Variants in KLRG2 observed in about 807,000 individuals in gnomAD.
The protein encoded by KLRG2 is killer cell lectin like receptor G2, also known as killer cell lectin-like receptor subfamily G member 2.
Under a neutral mutation model 35.4 loss-of-function variants are expected in KLRG2, and 39 were observed. The ratio of observed to expected loss-of-function variants is 1.10; its 90% CI spans 0.85 to 1.44. KLRG2 has a LOEUF of 1.44. Ranked by LOEUF, KLRG2 falls within the 40% of genes most tolerant of loss-of-function variation. The pLI is 0.00. For missense variants in KLRG2, 632 were observed against 570.9 expected (o/e 1.11, Z -1.09); for synonymous variants, 283 against 265.8 (o/e 1.06, Z -0.63).
rs184013800 is a variant in KLRG2 at position 139,464,972 on chromosome 7, C to T, written c.1006-10758G>A. 1.4e-3 allele frequency among the ~76,000 whole-genome samples: 214 copies of T among 152,372 alleles called. 1 individual carries two copies. Among genetic ancestry groups the T allele is most frequent in the African/African-American group, 4.5e-3 (189 of 41,590 alleles). On this transcript the variant is annotated intron_variant, in intron 3 of 4. Coordinates refer to ENST00000340940, the MANE Select transcript of KLRG2 (RefSeq NM_198508.4). ...CAATTACCATTGTTACTGGCCCGGA[C>T]TTCAATCCGGCCTCCCACATTATTC...
intron 3 of KLRG2, among the ~76,000 whole-genome samples, chr7:139,467,154 C>T (rs558963522): frequency 3.9e-5 from 6 of 152,248 alleles, no homozygotes; most frequent in African/African-American, 1.4e-4. Context: ...GTTCCCATGT[C>T]GCCCCTAATC....
intron 4 of KLRG2, 127 bp downstream of exon 4, chr7:139,453,984 G>A (rs1480667399): frequency 5.6e-6 from 4 of 710,026 alleles, no homozygotes; most frequent in Admixed American, 2.7e-5. Flanking sequence ...GCACCAGGCC[G>A]CGAGCATGGG....
At chr7:139,474,893 C>T (rs1193318451) in intron 3 of KLRG2, among the ~76,000 whole-genome samples, 1 of 152,194 alleles carries the variant, frequency 6.6e-6, no homozygotes, top group Non-Finnish European at 1.5e-5. Flanking sequence ...GATGCAGGCC[C>T]AGACCTAGGA....
chr7:139,481,786 T>C (rs1002462356), intron 1 of KLRG2, among the ~76,000 whole-genome samples: 2 of 151,990 alleles, frequency 1.3e-5, no homozygotes, highest in African/African-American at 4.8e-5. Context: ...TAGCCAGGCA[T>C]GGTGGCCGGC....
chr7:139,444,782 C>T, the KLRG2 span, among the ~76,000 whole-genome samples: 1 of 152,172 alleles, frequency 6.6e-6, no homozygotes, highest in Non-Finnish European at 1.5e-5. Context: ...ATTACGACGA[C>T]ACAAAACTCC....
chr7:139,430,012 G>A, the KLRG2 span, among the ~76,000 whole-genome samples: 1 of 152,300 alleles, frequency 6.6e-6, no homozygotes, highest in South Asian at 2.1e-4. Flanking sequence ...CTCAAAATAC[G>A]ATCTCTAAAC....
intron 1 of KLRG2, 146 bp from the exon 2 acceptor site, chr7:139,480,393 A>C: frequency 6.0e-6 from 3 of 500,250 alleles, no homozygotes; most frequent in Non-Finnish European, 3.6e-6. Context: ...ATAAACCACA[A>C]CGTTTAAGTT....
At chr7:139,433,942 G>A in the KLRG2 span, among the ~76,000 whole-genome samples, 4 of 151,958 alleles carry the variant, frequency 2.6e-5, no homozygotes, top group African/African-American at 4.8e-5. Flanking sequence ...CCAGCATCAC[G>A]CCCAGCATCA....
At chr7:139,452,205 T>C (rs1206421490), downstream of KLRG2, among the ~76,000 whole-genome samples, 1 of 152,098 alleles carries the variant, frequency 6.6e-6, no homozygotes, top group Admixed American at 6.6e-5. Flanking sequence ...CTCGAACTCC[T>C]GACCTTGTGA....
the KLRG2 span, among the ~76,000 whole-genome samples, chr7:139,442,971 G>A: frequency 1.3e-5 from 2 of 150,610 alleles, no homozygotes; most frequent in South Asian, 2.1e-4. Flanking sequence ...GAACAAAGTA[G>A]AATAGACAAA....
At chr7:139,473,375 C>T (rs976491919) in intron 3 of KLRG2, among the ~76,000 whole-genome samples, 3 of 152,156 alleles carry the variant, frequency 2.0e-5, no homozygotes, top group Non-Finnish European at 2.9e-5. Context: ...CTCCTATCCG[C>T]GCAATGATGA....
chr7:139,479,494 T>C, intron 3 of KLRG2, 133 bp downstream of exon 3: 1 of 894,622 alleles, frequency 1.1e-6, no homozygotes, highest in Non-Finnish European at 1.7e-6. Context: ...GAAGTTATGG[T>C]CATGCTACTC....
At chr7:139,454,752 G>C (rs549570950) in intron 3 of KLRG2, among the ~76,000 whole-genome samples, 15 of 151,576 alleles carry the variant, frequency 9.9e-5, no homozygotes, top group African/African-American at 3.1e-4. Flanking sequence ...GGAGACAGAG[G>C]TTGCAGTAAG....
At chr7:139,439,763 A>C in the KLRG2 span, among the ~76,000 whole-genome samples, 41 of 152,326 alleles carry the variant, frequency 2.7e-4, no homozygotes, top group African/African-American at 9.9e-4. Context: ...TAGCGGACAC[A>C]AAGGTGATGG....
At chr7:139,442,606 G>A in the KLRG2 span, among the ~76,000 whole-genome samples, 1 of 152,174 alleles carries the variant, frequency 6.6e-6, no homozygotes, top group Non-Finnish European at 1.5e-5. Flanking sequence ...AGCACTTTGG[G>A]AGGCCATGGT....
the KLRG2 span, among the ~76,000 whole-genome samples, chr7:139,445,781 G>GTGTGTA: frequency 1.1e-4 from 11 of 98,478 alleles, 1 homozygote; most frequent in African/African-American, 6.9e-4. Context: ...ATATATATAT[G>GTGTGTA]TATATATATA....
At chr7:139,455,046 C>G (rs934879835) in intron 3 of KLRG2, among the ~76,000 whole-genome samples, 3 of 148,636 alleles carry the variant, frequency 2.0e-5, no homozygotes, top group Non-Finnish European at 3.0e-5. Flanking sequence ...TGAGATGGAG[C>G]CTTGCTCTGT....
rs1013047025 is a variant in KLRG2 at position 139,476,509 on chromosome 7, T to C, written c.1005+3118A>G. Among the ~76,000 whole-genome samples, 10 of 152,154 alleles carry C rather than the reference T, an allele frequency of 6.6e-5. No homozygotes were observed. In the East Asian group the frequency reaches 1.9e-3, roughly 29 times the overall value. The stretch of plus-strand genomic sequence containing the variant: ...CAGGCTGGAGAGCAGTGGCGCGATC[T>C]TGGCTCACTGCATCCTGTCTTCTGG... On this transcript the variant is annotated intron_variant, in intron 3 of 4. Transcript: ENST00000340940.
intron 3 of KLRG2, among the ~76,000 whole-genome samples, chr7:139,469,453 C>T (rs1047664660): frequency 6.6e-6 from 1 of 152,096 alleles, no homozygotes; most frequent in Non-Finnish European, 1.5e-5. Flanking sequence ...AGCCACCACG[C>T]CCAGCCTACT....
Sources: gnomAD v4.1 joint callset for allele counts (sites outside exome capture counted in the v4.1 genomes callset) on GRCh38, gnomAD v4.1.1 for gene constraint, MANE v1.5 for transcripts, NCBI Gene and HGNC (gene_info 2026-07-23, HGNC 2026-07-21) for gene names.